The following ZSCAN2 variants were observed in gnomAD, a reference collection of about 807,000 sequenced individuals.
ZSCAN2 encodes zinc finger and SCAN domain containing 2, also known as zinc finger and SCAN domain-containing protein 2.
A neutral mutation model predicts 47.8 loss-of-function variants in ZSCAN2; 26 were observed. The ratio of observed to expected loss-of-function variants is 0.54; its 90% CI spans 0.40 to 0.75. The LOEUF is 0.75. ZSCAN2 is among the 30% of genes least tolerant of loss of function. ZSCAN2 has a pLI of 0.00. For synonymous variants in ZSCAN2, 305 were observed against 288.7 expected (o/e 1.06, Z -0.57); for missense variants, 732 against 785.4 (o/e 0.93, Z 0.81).
At chr15:84,613,343 C>T (rs10852053) in intron 2 of ZSCAN2, among the ~76,000 whole-genome samples, 79,188 of 151,962 alleles carry the variant, frequency 0.52, 21,871 homozygotes, top group East Asian at 0.8. Context: ...GTTTTTGAGA[C>T]GGAGTCTCGC....
At chr15:84,617,823 C>G (rs543215783) in intron 2 of ZSCAN2, among the ~76,000 whole-genome samples, 94 of 151,958 alleles carry the variant, frequency 6.2e-4, no homozygotes, top group Admixed American at 1.0e-3. Flanking sequence ...CTGTGTAATC[C>G]CAGCTACCTG....
chr15:84,620,742 G>A lies in ZSCAN2; in HGVS notation c.547G>A (p.Gly183Ser). 1 of 1,614,230 alleles carries A rather than the reference G, an allele frequency of 6.2e-7. No homozygotes were observed. Among genetic ancestry groups the A allele is most frequent in the African/African-American group, 1.3e-5 (1 of 75,056 alleles). ...DGESDFERDA[G>S]IQRLQGHSPG... ...GGAAAGTGACTTTGAGAGAGATGCT[G>A]GCATCCAGAGGCTCCAGGGACACAG... The change falls in exon 3 of 3, where the codon GGC (glycine) becomes AGC (serine). Residue 183 changes from glycine (G) to serine (S), a missense_variant. By Grantham distance (56) the Gly-to-Ser change is moderately conservative. Around this residue, in one of 2 missense-constraint regions of ZSCAN2, gnomAD observed 320 missense variants for 287.4 expected, o/e 1.11. Coordinates refer to ENST00000546148, the MANE Select transcript of ZSCAN2 (RefSeq NM_181877.4).
At chr15:84,601,404 C>T (rs1360853056) in intron 1 of ZSCAN2, among the ~76,000 whole-genome samples, 2 of 152,150 alleles carry the variant, frequency 1.3e-5, no homozygotes, top group African/African-American at 4.8e-5. Flanking sequence ...GACGACATCC[C>T]GCGCAGCGTA....
At position 84,601,035 on chromosome 15, in the gene ZSCAN2, C is replaced by G. The variant is rs536600897; in HGVS notation, c.-209C>G. 4 of 152,392 alleles carry G rather than the reference C, an allele frequency of 2.6e-5. No homozygotes were observed. The highest frequency in any genetic ancestry group is 4.4e-5 in the Non-Finnish European group (3 of 68,168). 9.4% of individuals were successfully genotyped at this position (152,392 alleles called of 1,614,324 possible). A position where few individuals can be genotyped will look rare whatever the true frequency, so the allele number is the denominator to read the frequency against. ...TCTCCCGTCCATTGTTCTCGGTGCC[C>G]CACGGGCTTGAGCCGGGGTGAATCT... On this transcript the variant is annotated 5_prime_UTR_variant, in exon 1 of 3. Coordinates refer to ENST00000546148, the MANE Select transcript of ZSCAN2 (RefSeq NM_181877.4).
chr15:84,615,389 G>A (rs1414660364), intron 2 of ZSCAN2, among the ~76,000 whole-genome samples: 1 of 152,182 alleles, frequency 6.6e-6, no homozygotes, highest in African/African-American at 2.4e-5. Flanking sequence ...GGAGTCCAGT[G>A]GTGCAAATAT....
chr15:84,602,352 C>A (rs981246080), intron 1 of ZSCAN2: 4 of 152,106 alleles, frequency 2.6e-5, no homozygotes, highest in Admixed American at 2.6e-4. Context: ...GAAGGATTAT[C>A]TTAAATCATT....
At chr15:84,613,715 C>T (rs1257535504) in intron 2 of ZSCAN2, among the ~76,000 whole-genome samples, 9 of 151,982 alleles carry the variant, frequency 5.9e-5, no homozygotes, top group Non-Finnish European at 7.4e-5. Context: ...CAGTCTGTCA[C>T]CCAGGCTGGA....
In ZSCAN2 at chr15:84,621,014, C is replaced by T. The variant is rs138088164; in HGVS notation, c.819C>T (p.Thr273=). The change falls in exon 3 of 3, where the codon ACC becomes ACT. Residue 273 remains threonine (T), a synonymous_variant. Coordinates refer to ENST00000546148, the MANE Select transcript of ZSCAN2 (RefSeq NM_181877.4). The surrounding 1 kb of genome is among the most constrained non-coding windows in gnomAD (Gnocchi z 5.7). ...TTAGTAGACACCAAACCACTCACAC[C>T]GGGGAGAAGCCCTACAAATGCAGAG... ...SNFSRHQTTH[T]GEKPYKCRDC... 536 of 1,613,664 alleles carry T rather than the reference C, an allele frequency of 3.3e-4. 2 individuals are homozygous for T. Among genetic ancestry groups the T allele is most frequent in the Non-Finnish European group, 3.7e-4 (431 of 1,179,956 alleles).
At chr15:84,619,485 CTT>C (rs1260171378) in intron 2 of ZSCAN2, among the ~76,000 whole-genome samples, 1 of 151,886 alleles carries the variant, frequency 6.6e-6, no homozygotes, top group African/African-American at 2.4e-5. Context: ...TTTGAGGGCT[CTT>C]TTAACAATCC....
chr15:84,603,756 T>C (rs1895284049), intron 1 of ZSCAN2, 64 bp from the exon 2 acceptor site: 4 of 726,012 alleles, frequency 5.5e-6, no homozygotes, highest in Admixed American at 3.1e-5. Flanking sequence ...ACCTGGGCTT[T>C]TGTGAGTTAG....
chr15:84,612,739 GA>G (rs550276879), intron 2 of ZSCAN2, among the ~76,000 whole-genome samples: 118 of 144,948 alleles, frequency 8.1e-4, no homozygotes, highest in Non-Finnish European at 1.1e-3. Context: ...CGTCTCAAAA[GA>G]AAAAAAAAAG....
chr15:84,620,975 T>C lies in ZSCAN2; in HGVS notation c.780T>C (p.Ser260=). 1 of 1,612,236 alleles carries C rather than the reference T, an allele frequency of 6.2e-7. No individual in the cohort carries two copies. Among genetic ancestry groups the C allele is most frequent in the East Asian group, 2.2e-5 (1 of 44,706 alleles). The change falls in exon 3 of 3, where the codon AGT becomes AGC. Residue 260 remains serine (S), a synonymous_variant. Coordinates refer to ENST00000546148, the MANE Select transcript of ZSCAN2 (RefSeq NM_181877.4). ...GTGATGAATGTGGAAAAAGCTTTAG[T>C]GATGGTTCAAATTTTAGTAGACACC... ...YKCDECGKSF[S]DGSNFSRHQT...
intron 2 of ZSCAN2, among the ~76,000 whole-genome samples, chr15:84,615,990 T>A (rs530873477): frequency 1.3e-5 from 2 of 152,232 alleles, no homozygotes; most frequent in South Asian, 4.2e-4. Flanking sequence ...TCCCAACACT[T>A]TGGGAGGCCG....
chr15:84,609,430 C>G (rs903959757), intron 2 of ZSCAN2, among the ~76,000 whole-genome samples: 3 of 151,412 alleles, frequency 2.0e-5, no homozygotes, highest in African/African-American at 7.4e-5. Flanking sequence ...TCAAGTGGTC[C>G]TCCTGTTTCA....
chr15:84,608,696 A>G lies in ZSCAN2; in HGVS notation c.406+4363A>G, dbSNP rs752650410. On this transcript the variant is annotated intron_variant, in intron 2 of 2. Coordinates refer to ENST00000546148, the MANE Select transcript of ZSCAN2 (RefSeq NM_181877.4). ...TGGGGGCCTGGAGCCTACTCCAGGG[A>G]TTCTAATTTTCTGATTTAATTGGTA... Among the ~76,000 whole-genome samples the G allele has an allele frequency of 2.3e-4, 35 of 152,092 alleles. 1 individual carries two copies. Among genetic ancestry groups the G allele is most frequent in the Non-Finnish European group, 3.5e-4 (24 of 68,030 alleles).
At chr15:84,611,134 A>G (rs1217352215) in intron 2 of ZSCAN2, among the ~76,000 whole-genome samples, 1 of 151,828 alleles carries the variant, frequency 6.6e-6, no homozygotes. Context: ...TCTACGAAAA[A>G]TACAAAAAAA....
At chr15:84,614,634 C>G (rs1895645638) in intron 2 of ZSCAN2, 3 of 150,252 alleles carry the variant, frequency 2.0e-5, no homozygotes, top group Non-Finnish European at 4.4e-5. Context: ...ATAGAGAAAT[C>G]TTTTTTTTTT....
chr15:84,607,815 C>T (rs1048386112), intron 2 of ZSCAN2, among the ~76,000 whole-genome samples: 1 of 152,108 alleles, frequency 6.6e-6, no homozygotes, highest in Non-Finnish European at 1.5e-5. Flanking sequence ...GGCCCTTGCT[C>T]CTGGATTTTT....
intron 1 of ZSCAN2, among the ~76,000 whole-genome samples, chr15:84,603,362 G>GGGATACTT (rs1895268994): frequency 6.6e-6 from 1 of 150,840 alleles, no homozygotes; most frequent in Non-Finnish European, 1.5e-5. Context: ...TTTTGTGCTT[G>GGGATACTT]GGATACTTTT....
Sources: gnomAD v4.1 joint callset for allele counts (sites outside exome capture counted in the v4.1 genomes callset) on GRCh38, gnomAD v4.1.1 for gene constraint, gnomAD v4.1.1 regional missense constraint, Gnocchi (gnomAD v3.1) non-coding constraint, MANE v1.5 for transcripts, NCBI Gene and HGNC (gene_info 2026-07-23, HGNC 2026-07-21) for gene names.